IMPG1: variants seen among roughly 807,000 people sequenced by gnomAD.
IMPG1 encodes the protein interphotoreceptor matrix proteoglycan 1, also known as interphotoreceptor matrix proteoglycan of 150 kDa.
A neutral mutation model predicts 92.0 loss-of-function variants in IMPG1; 85 were observed. The ratio of observed to expected loss-of-function variants is 0.92; its 90% CI spans 0.78 to 1.11. IMPG1 has a LOEUF of 1.11. IMPG1 is among the 50% of genes least tolerant of loss of function. The pLI is 0.00. For missense variants in IMPG1, 1,022 were observed against 956.0 expected (o/e 1.07, Z -0.91); for synonymous variants, 367 against 334.1 (o/e 1.10, Z -1.08).
intron 12 of IMPG1, among the ~76,000 whole-genome samples, chr6:75,968,651 G>T (rs563215152): frequency 3.3e-5 from 5 of 151,780 alleles, no homozygotes; most frequent in East Asian, 3.9e-4. Flanking sequence ...CTTAAAAAAG[G>T]CTTATTATTT....
chr6:75,960,040 T>C (rs1782190860), intron 12 of IMPG1, among the ~76,000 whole-genome samples: 1 of 152,124 alleles, frequency 6.6e-6, no homozygotes, highest in Admixed American at 6.6e-5. Context: ...GTGAAGACCA[T>C]GGGAAAAGCG....
chr6:76,068,330 C>T (rs886082867), intron 1 of IMPG1, among the ~76,000 whole-genome samples: 148 of 152,144 alleles, frequency 9.7e-4, no homozygotes, highest in African/African-American at 3.5e-3. Context: ...GACAGATGAA[C>T]TCAGTAAAGG....
At chr6:75,972,075 G>A (rs1021904956) in intron 12 of IMPG1, among the ~76,000 whole-genome samples, 1 of 152,074 alleles carries the variant, frequency 6.6e-6, no homozygotes, top group African/African-American at 2.4e-5. Flanking sequence ...AGTTAGTCTA[G>A]GCTTGAAAAG....
intron 12 of IMPG1, among the ~76,000 whole-genome samples, chr6:75,978,316 C>A (rs1420911003): frequency 6.6e-6 from 1 of 152,082 alleles, no homozygotes; most frequent in African/African-American, 2.4e-5. Flanking sequence ...ATCTTTGTAC[C>A]CAAGATCATG....
chr6:75,928,026 A>AG (rs1405662942), intron 15 of IMPG1, among the ~76,000 whole-genome samples: 1 of 152,144 alleles, frequency 6.6e-6, no homozygotes. Context: ...TCACTAAAGA[A>AG]AGAGAAATGT....
chr6:76,028,644 A>G (rs1476888958), intron 4 of IMPG1, among the ~76,000 whole-genome samples: 3 of 152,174 alleles, frequency 2.0e-5, no homozygotes, highest in Non-Finnish European at 4.4e-5. Context: ...CCTGGCTAAC[A>G]TGATGAAACC....
chr6:76,044,034 G>A (rs1257102764), intron 1 of IMPG1, among the ~76,000 whole-genome samples: 2 of 152,208 alleles, frequency 1.3e-5, no homozygotes, highest in African/African-American at 4.8e-5. Flanking sequence ...TAATTACAAG[G>A]CAGGGAACTG....
At chr6:75,926,345 C>A (rs1347181023) in intron 15 of IMPG1, among the ~76,000 whole-genome samples, 1 of 152,190 alleles carries the variant, frequency 6.6e-6, no homozygotes, top group Non-Finnish European at 1.5e-5. Context: ...TCCCACTATT[C>A]AGTGGAGAAA....
intron 12 of IMPG1, among the ~76,000 whole-genome samples, chr6:75,972,535 T>C (rs4708204): frequency 0.4 from 61,218 of 151,928 alleles, 13,155 homozygotes; most frequent in East Asian, 0.6. Flanking sequence ...TCTCATGACC[T>C]CCGTAAGACT....
At chr6:75,943,321 C>T (rs532471547) in intron 14 of IMPG1, among the ~76,000 whole-genome samples, 4 of 152,188 alleles carry the variant, frequency 2.6e-5, no homozygotes, top group Middle Eastern at 6.8e-3. Flanking sequence ...GTGTTTGTGT[C>T]GTAGGGGCAG....
At chr6:76,031,408 C>T (rs1783651130) in intron 4 of IMPG1, among the ~76,000 whole-genome samples, 1 of 152,134 alleles carries the variant, frequency 6.6e-6, no homozygotes, top group South Asian at 2.1e-4. Flanking sequence ...CCCAATTCTG[C>T]CATATTGTTA....
In IMPG1 at chr6:76,018,391, T is replaced by C. The variant is rs1287932548; in HGVS notation, c.807+327A>G. Among the ~76,000 whole-genome samples the C allele has an allele frequency of 2.6e-5, 4 of 152,202 alleles. No homozygotes were observed. In the East Asian group the frequency reaches 5.8e-4, roughly 22 times the overall value. ...AGTTGTGACATATGTTAGGCTACTATTGACCTTCTTAATGAATTGTTTATT... is the reference window on the plus strand; with the variant it reads ...AGTTGTGACATATGTTAGGCTACTACTGACCTTCTTAATGAATTGTTTATT... On this transcript the variant is annotated intron_variant, in intron 7 of 16. Coordinates refer to ENST00000369950, the MANE Select transcript of IMPG1 (RefSeq NM_001563.4).
chr6:76,072,308 C>A, intron 1 of IMPG1, 114 bp downstream of exon 1: 1 of 559,152 alleles, frequency 1.8e-6, no homozygotes, highest in Non-Finnish European at 3.2e-6. Context: ...TATTCAAGGC[C>A]TACTATATAC....
intron 12 of IMPG1, among the ~76,000 whole-genome samples, chr6:75,956,788 T>TTG (rs150121506): frequency 0.017 from 2,551 of 152,352 alleles, 27 homozygotes; most frequent in Non-Finnish European, 0.024. Flanking sequence ...TTCTGGTACA[T>TTG]TGTGTCTTTG....
intron 15 of IMPG1, among the ~76,000 whole-genome samples, chr6:75,926,477 G>C (rs1291119541): frequency 6.6e-6 from 1 of 152,152 alleles, no homozygotes; most frequent in Non-Finnish European, 1.5e-5. Context: ...CAAGCACTTT[G>C]ATATGATTAA....
intron 1 of IMPG1, among the ~76,000 whole-genome samples, chr6:76,061,542 C>G (rs1478658506): frequency 6.6e-6 from 1 of 152,142 alleles, no homozygotes; most frequent in Non-Finnish European, 1.5e-5. Flanking sequence ...TCTTAAAATG[C>G]AAATTCCCTG....
intron 7 of IMPG1, among the ~76,000 whole-genome samples, chr6:76,013,235 A>G (rs1427782221): frequency 6.6e-6 from 1 of 152,048 alleles, no homozygotes; most frequent in Non-Finnish European, 1.5e-5. Context: ...ACTGTTTAGA[A>G]TGGCATTTAA....
chr6:75,944,999 A>G (rs1331468656), intron 14 of IMPG1, among the ~76,000 whole-genome samples: 2 of 152,228 alleles, frequency 1.3e-5, no homozygotes, highest in Non-Finnish European at 2.9e-5. Context: ...GTAGCTCAGC[A>G]TAAATGTGAC....
rs577275760 is a variant in IMPG1, at chr6:75,985,765, A to T, written c.1291+17153T>A. ...GTGAGACTTCCTTCGGTTTGTGCTG[A>T]GCCATACTGAATTCTGAGGCAAAAG... On this transcript the variant is annotated intron_variant, in intron 12 of 16. Transcript: ENST00000369950. 3.9e-5 allele frequency among the ~76,000 whole-genome samples: 6 copies of T among 152,298 alleles called. No homozygotes were observed. The South Asian group carries it at 1.2e-3, about 32-fold the overall frequency.
Sources: gnomAD v4.1 joint callset for allele counts (sites outside exome capture counted in the v4.1 genomes callset) on GRCh38, gnomAD v4.1.1 for gene constraint, MANE v1.5 for transcripts, NCBI Gene and HGNC (gene_info 2026-07-23, HGNC 2026-07-21) for gene names.